Variants in ITGB4 observed in about 807,000 individuals in gnomAD.
ITGB4 encodes the protein integrin beta-4.
ITGB4 carries 159 observed loss-of-function variants against 207.6 expected under a neutral mutation model. The ratio of observed to expected loss-of-function variants is 0.77; its 90% confidence interval spans 0.67 to 0.87. The LOEUF (loss-of-function observed/expected upper bound fraction) is 0.87. ITGB4 is among the 40% of genes least tolerant of loss of function. The pLI, the probability that ITGB4 is intolerant of heterozygous loss-of-function variation, is 0.00. For missense variants in ITGB4, 2,278 were observed against 2,546.8 expected (o/e 0.89, Z 2.27); for synonymous variants, 1,020 against 1,062.7 (o/e 0.96, Z 0.78).
At chr17:75,752,027 C>G in intron 30 of ITGB4, 147 bp from the exon 31 acceptor site, 1 of 856,184 alleles carries the variant, frequency 1.2e-6, no homozygotes, top group Middle Eastern at 2.4e-4. Context: ...GCTCCGCAGG[C>G]GGCAATTCAG....
Position 75,740,858 on chromosome 17 carries a change from C to G in ITGB4, c.2609+7C>G. The G allele has an allele frequency of 2.5e-6, 4 of 1,613,658 alleles. No individual in the cohort carries two copies. Among genetic ancestry groups the G allele is most frequent in the Non-Finnish European group, 3.4e-6 (4 of 1,179,996 alleles). The stretch of plus-strand genomic sequence containing the variant: ...TCCAGCAGACCAAGTTCCGGTGAGT[C>G]CCGGGGTGCCCGGGTTGGGTGGGGG... On this transcript the variant is annotated splice_region_variant and intron_variant, in intron 22 of 39. Coordinates refer to ENST00000200181, the MANE Select transcript of ITGB4 (RefSeq NM_000213.5). The surrounding 1 kb of genome is among the most constrained non-coding windows in gnomAD (Gnocchi z 5.9).
chr17:75,742,481 C>A lies in ITGB4; in HGVS notation c.2774C>A (p.Ala925Glu). 1 of 1,613,110 alleles carries A rather than the reference C, an allele frequency of 6.2e-7. No homozygotes were observed. The change falls in exon 24 of 40, where the codon GCA becomes GAA. Residue 925 changes from alanine (A) to glutamate (E), a missense_variant. Transcript: ENST00000200181. The surrounding 1 kb of genome is among the most constrained non-coding windows in gnomAD (Gnocchi z 5.9). ...KVAPGYYTLT[A>E]DQDARGMVEF... The stretch of plus-strand genomic sequence containing the variant: ...GCCCCCGGCTACTACACCCTCACTG[C>A]AGACCAGGGTAGGAGGGCGGGTCCG...
chr17:75,723,869 G>T (rs565569745), intron 1 of ITGB4, among the ~76,000 whole-genome samples: 194 of 152,384 alleles, frequency 1.3e-3, no homozygotes, highest in African/African-American at 3.7e-3. Flanking sequence ...CTCTTTTCTT[G>T]TCCAGGCTTC....
In ITGB4 at chr17:75,732,115, C is replaced by T; in HGVS notation, c.1378-48C>T. 6.2e-7 allele frequency: 1 copy of T among 1,610,392 alleles called. No homozygotes were observed. Among genetic ancestry groups the T allele is most frequent in the Non-Finnish European group, 8.5e-7 (1 of 1,176,918 alleles). ...AGGAGAGCGGAAGTGTCCAGTGGCC[C>T]CGGTCCTGCTCCCCCGACGCACCCC... On this transcript the variant is annotated intron_variant, in intron 11 of 39. Coordinates refer to ENST00000200181, the MANE Select transcript of ITGB4 (RefSeq NM_000213.5). This position sits in a 1 kb window ranked among gnomAD's most constrained non-coding sequence, Gnocchi z 5.3.
rs139092703 is a variant in ITGB4, at chr17:75,742,345, G to A, written c.2638G>A (p.Asp880Asn). ...AACCTTCCACCCTCGACCCAGGCAA[G>A]ACCACACCATTGTGGACACAGTGCT... ...RQQPNAGKKQDHTIVDTVLMA... is the reference protein window; with the variant it reads ...RQQPNAGKKQNHTIVDTVLMA... Residue 880 changes from aspartate to asparagine, a missense_variant, in exon 24 of 40, where the codon GAC (aspartate) becomes AAC (asparagine). By Grantham distance (23) the Asp-to-Asn change is conservative (BLOSUM62 1). Coordinates refer to ENST00000200181, the MANE Select transcript of ITGB4 (RefSeq NM_000213.5). This position sits in a 1 kb window ranked among gnomAD's most constrained non-coding sequence, Gnocchi z 5.9. 1,363 of 1,613,380 alleles carry A rather than the reference G, an allele frequency of 8.4e-4. 2 individuals carry two copies. The highest frequency in any genetic ancestry group is 2.3e-3 in the Middle Eastern group (14 of 6,062).
chr17:75,752,067 C>G (rs1351985818), intron 30 of ITGB4, 107 bp from the exon 31 acceptor site: 2 of 1,243,370 alleles, frequency 1.6e-6, no homozygotes, highest in South Asian at 1.2e-5. Context: ...GCTTCCCCAG[C>G]CCCTGGGTGC....
rs141916774 is a variant in ITGB4, at chr17:75,731,862, C to T, written c.1266C>T (p.His422=). 1.7e-4 allele frequency: 275 copies of T among 1,613,188 alleles called. 2 individuals carry two copies. In the Middle Eastern group the frequency reaches 5.6e-3, roughly 33 times the overall value. Reference sequence around the variant, plus strand: ...CCCTTGAGCACGTGGATGGGACGCACGTGTGCCAGCTGCCGGAGGACCAGA... The same window carrying T: ...CCCTTGAGCACGTGGATGGGACGCATGTGTGCCAGCTGCCGGAGGACCAGA... The part of the protein sequence containing the change: ...LRALEHVDGT[H]VCQLPEDQKG... The change falls in exon 11 of 40, where the codon CAC becomes CAT. Residue 422 remains histidine, a synonymous_variant. Coordinates refer to ENST00000200181, the MANE Select transcript of ITGB4 (RefSeq NM_000213.5). This position sits in a 1 kb window ranked among gnomAD's most constrained non-coding sequence, Gnocchi z 6.8.
chr17:75,739,903 G>A lies in ITGB4; in HGVS notation c.2278G>A (p.Asp760Asn). The A allele has an allele frequency of 1.2e-6, 2 of 1,613,544 alleles. No homozygotes were observed. Among genetic ancestry groups the A allele is most frequent in the Non-Finnish European group, 1.7e-6 (2 of 1,180,024 alleles). Residue 760 changes from aspartate (D) to asparagine (N), a missense_variant, in exon 20 of 40, where the codon GAC becomes AAC. Coordinates refer to ENST00000200181, the MANE Select transcript of ITGB4 (RefSeq NM_000213.5). This position sits in a 1 kb window ranked among gnomAD's most constrained non-coding sequence, Gnocchi z 5.4. Reference sequence around the variant, plus strand: ...AGGTCACATGGTGGGCTTTAAGGAAGACCACTACATGCTGCGGGAGAACCT... The same window carrying A: ...AGGTCACATGGTGGGCTTTAAGGAAAACCACTACATGCTGCGGGAGAACCT... The part of the protein sequence containing the change: ...NRGHMVGFKE[D>N]HYMLRENLMA...
At chr17:75,745,642 G>A (rs1368195612) in intron 26 of ITGB4, among the ~76,000 whole-genome samples, 1 of 152,130 alleles carries the variant, frequency 6.6e-6, no homozygotes, top group Non-Finnish European at 1.5e-5. Flanking sequence ...ACTGTGGGAG[G>A]CCAAGGCAGG....
Position 75,750,975 on chromosome 17 carries a change from GC to G in ITGB4, c.3660del (p.Ser1221AlafsTer15). The G allele has an allele frequency of 6.2e-7, 1 of 1,613,696 alleles. No individual in the cohort carries two copies. Among genetic ancestry groups the G allele is most frequent in the Non-Finnish European group, 8.5e-7 (1 of 1,180,016 alleles). On this transcript the variant is annotated frameshift_variant and splice_region_variant, in exon 30 of 40. Transcript: ENST00000200181. LOFTEE classifies it high-confidence loss of function. This position sits in a 1 kb window ranked among gnomAD's most constrained non-coding sequence, Gnocchi z 5.5. ...CTTCCTGTATTCCCCGCTCCCTAGT[GC>G]CCAGCGAGCCAGGGCGTCTGGCCTT... ...LVSCRTHQEV[P>X]SEPGRLAFNV...
At position 75,733,632 on chromosome 17, in the gene ITGB4, G is replaced by A. The variant is rs1346173389; in HGVS notation, c.1597G>A (p.Gly533Ser). 6 of 1,614,076 alleles carry A rather than the reference G, an allele frequency of 3.7e-6. No individual in the cohort carries two copies. In the East Asian group the frequency reaches 6.7e-5, roughly 18 times the overall value. Residue 533 changes from glycine to serine, a missense_variant, in exon 13 of 40, where the codon GGT (glycine) becomes AGT (serine). Transcript: ENST00000200181. Reference protein sequence around the residue: ...CVCYGEGRYEGQFCEYDNFQC... With the variant: ...CVCYGEGRYESQFCEYDNFQC... ...GTGCTACGGCGAAGGCCGCTACGAG[G>A]GTCAGTTCTGCGAGTATGACAACTT... is the stretch of plus-strand genomic sequence containing the variant.
At position 75,752,432 on chromosome 17, in the gene ITGB4, CCCCTG is replaced by C; in HGVS notation, c.3977-7_3977-3del. On this transcript the variant is annotated splice_polypyrimidine_tract_variant and intron_variant, in intron 31 of 39. Coordinates refer to ENST00000200181, the MANE Select transcript of ITGB4 (RefSeq NM_000213.5). ...GCAGCAGCCAGGGCCCTGGCTCACT[CCCCTG>C]CCCTGCAGTCCCCATCATCCCTGAC... The C allele has an allele frequency of 6.2e-7, 1 of 1,613,146 alleles. No individual in the cohort carries two copies. Among genetic ancestry groups the C allele is most frequent in the Non-Finnish European group, 8.5e-7 (1 of 1,179,900 alleles).
At chr17:75,725,489 A>AT (rs2060700474) in intron 2 of ITGB4, among the ~76,000 whole-genome samples, 2 of 152,062 alleles carry the variant, frequency 1.3e-5, no homozygotes, top group African/African-American at 4.8e-5. Context: ...ATTAAAAACA[A>AT]TTTTTTTGTA....
In ITGB4 at chr17:75,757,521, G is replaced by C. The variant is rs35234235; in HGVS notation, c.5435G>C (p.Ser1812Thr). 1 of 1,613,402 alleles carries C rather than the reference G, an allele frequency of 6.2e-7. No homozygotes were observed. The highest frequency in any genetic ancestry group is 1.3e-5 in the African/African-American group (1 of 75,020). ...SRTLTTSGTL[S>T]THMDQQFFQT is the part of the protein sequence containing the mutation. ...ACACTGACCACCAGCGGAACCCTTAGCACCCACATGGACCAACAGTTCTTC... is the reference window on the plus strand; with the variant it reads ...ACACTGACCACCAGCGGAACCCTTACCACCCACATGGACCAACAGTTCTTC... Residue 1812 changes from serine to threonine, a missense_variant, in exon 40 of 40, where the codon AGC becomes ACC. Physicochemically the swap from Ser to Thr is moderately conservative, Grantham distance 58 (BLOSUM62 1). Coordinates refer to ENST00000200181, the MANE Select transcript of ITGB4 (RefSeq NM_000213.5).
chr17:75,755,852 T>C lies in ITGB4; in HGVS notation c.4708+2T>C. On this transcript the variant is annotated splice_donor_variant, in intron 35 of 39. Coordinates refer to ENST00000200181, the MANE Select transcript of ITGB4 (RefSeq NM_000213.5). LOFTEE classifies it high-confidence loss of function. ...TGGAGTACCAGCTGCTGAACGGCGG[T>C]GAGGCATGGTGGCTGCCAGGCTGCG... 1.9e-6 allele frequency: 3 copies of C among 1,602,002 alleles called. No individual in the cohort carries two copies. The highest frequency in any genetic ancestry group is 2.5e-6 in the Non-Finnish European group (3 of 1,179,540).
chr17:75,728,435 C>T lies in ITGB4; in HGVS notation c.528C>T (p.Asp176=). 1 of 1,614,172 alleles carries T rather than the reference C, an allele frequency of 6.2e-7. No individual in the cohort carries two copies. The highest frequency in any genetic ancestry group is 8.5e-7 in the Non-Finnish European group (1 of 1,180,008). Residue 176 remains aspartate (D), a synonymous_variant, in exon 6 of 40, where the codon GAC becomes GAT. Coordinates refer to ENST00000200181, the MANE Select transcript of ITGB4 (RefSeq NM_000213.5). ...DYTIGFGKFV[D]KVSVPQTDMR... is the part of the protein sequence containing the mutation. ...CTATTGGATTTGGCAAGTTTGTGGACAAAGTCAGCGTCCCGCAGACGGACA... is the reference window on the plus strand; with the variant it reads ...CTATTGGATTTGGCAAGTTTGTGGATAAAGTCAGCGTCCCGCAGACGGACA...
chr17:75,736,108 G>A lies in ITGB4; in HGVS notation c.1715G>A (p.Ser572Asn), dbSNP rs1183551367. 1 of 1,614,180 alleles carries A rather than the reference G, an allele frequency of 6.2e-7. No homozygotes were observed. The change falls in exon 14 of 40, where the codon AGC becomes AAC. Residue 572 changes from serine (S) to asparagine (N), a missense_variant. Transcript: ENST00000200181. ...TGTGAGCCTGGTTGGACAGGCCCAA[G>A]CTGTGACTGTCCCCTCAGCAATGCC... ...CVCEPGWTGP[S>N]CDCPLSNATC...
Position 75,740,159 on chromosome 17 carries a change from G to A in ITGB4, c.2446+88G>A. ...TGGGATCACAGCATGCCTCTTCTCTGGGTGTGGGGTGCAGGCACAGGGCTC... is the reference window on the plus strand; with the variant it reads ...TGGGATCACAGCATGCCTCTTCTCTAGGTGTGGGGTGCAGGCACAGGGCTC... On this transcript the variant is annotated intron_variant, in intron 20 of 39. Coordinates refer to ENST00000200181, the MANE Select transcript of ITGB4 (RefSeq NM_000213.5). This position sits in a 1 kb window ranked among gnomAD's most constrained non-coding sequence, Gnocchi z 5.9. 1.4e-6 allele frequency: 2 copies of A among 1,410,944 alleles called. No individual in the cohort carries two copies. Among genetic ancestry groups the A allele is most frequent in the Non-Finnish European group, 1.9e-6 (2 of 1,037,066 alleles). The allele number at this position is 1,410,944 out of a possible 1,614,324, so 87.4% of individuals were successfully genotyped here.
At chr17:75,755,031 C>T in intron 34 of ITGB4, 1 of 1,587,736 alleles carries the variant, frequency 6.3e-7, no homozygotes, top group Non-Finnish European at 8.6e-7. Flanking sequence ...CTGCTCCTCT[C>T]ACTCTTGTTT....
Sources: allele counts gnomAD v4.1 joint callset (sites outside exome capture counted in the v4.1 genomes callset), GRCh38; gene constraint gnomAD v4.1.1; non-coding constraint Gnocchi (gnomAD v3.1); transcripts MANE v1.5; gene names NCBI Gene and HGNC (gene_info 2026-07-23, HGNC 2026-07-21).